UBE2B: variants seen among roughly 807,000 people sequenced by gnomAD.
UBE2B encodes the protein ubiquitin-conjugating enzyme E2 B.
In UBE2B, 11 loss-of-function variants were observed where a neutral mutation model predicts 24.6. That is an observed-to-expected ratio of 0.45 (90% CI 0.28 to 0.74). The LOEUF is 0.74. UBE2B is among the 30% of genes least tolerant of loss of function. UBE2B has a pLI of 0.13. For missense variants in UBE2B, 78 were observed against 185.6 expected (o/e 0.42, Z 3.37); for synonymous variants, 68 against 62.4 (o/e 1.09, Z -0.42).
intron 5 of UBE2B, chr5:134,388,946 GTTTTTTTTTTTT>G (rs35847901): frequency 0.015 from 2,605 of 174,524 alleles, 28 homozygotes; most frequent in South Asian, 0.042. Context: ...TTCTTTAATT[GTTTTTTTTTTTT>G]TTTTTTTTTT....
At chr5:134,371,830 AT>A (rs1449428644) in intron 1 of UBE2B, among the ~76,000 whole-genome samples, 191 bp downstream of exon 1, 4 of 152,158 alleles carry the variant, frequency 2.6e-5, no homozygotes, top group Admixed American at 6.5e-5. Flanking sequence ...GCCCGAAGAA[AT>A]TTTGATACTG....
At chr5:134,386,352 G>A (rs1248979529) in intron 4 of UBE2B, among the ~76,000 whole-genome samples, 7 of 149,976 alleles carry the variant, frequency 4.7e-5, no homozygotes, top group East Asian at 2.0e-4. Flanking sequence ...AAAAAGGGCC[G>A]GGCACAGTGG....
chr5:134,387,658 G>A (rs924460946), intron 4 of UBE2B, among the ~76,000 whole-genome samples: 42 of 152,308 alleles, frequency 2.8e-4, no homozygotes, highest in African/African-American at 1.0e-3. Flanking sequence ...TGACAAGTGA[G>A]CACACAAGAC....
At chr5:134,377,076 A>T (rs1758622105) in intron 3 of UBE2B, among the ~76,000 whole-genome samples, 1 of 152,134 alleles carries the variant, frequency 6.6e-6, no homozygotes. Context: ...TCATAAACAT[A>T]CATAGCTGCC....
chr5:134,375,817 A>AC (rs1427129762), intron 2 of UBE2B, among the ~76,000 whole-genome samples: 1 of 150,480 alleles, frequency 6.6e-6, no homozygotes, highest in African/African-American at 2.4e-5. Flanking sequence ...AAAAAAAAAA[A>AC]AAAAAAAAAC....
At chr5:134,378,003 C>G (rs1290720347) in intron 3 of UBE2B, among the ~76,000 whole-genome samples, 1 of 152,064 alleles carries the variant, frequency 6.6e-6, no homozygotes, top group Non-Finnish European at 1.5e-5. Flanking sequence ...GAGTTTGAGA[C>G]CAGCCTGGGG....
At chr5:134,378,810 TC>T (rs1371634486) in intron 3 of UBE2B, among the ~76,000 whole-genome samples, 1 of 151,588 alleles carries the variant, frequency 6.6e-6, no homozygotes, top group East Asian at 1.9e-4. Flanking sequence ...GCACCTGTAA[TC>T]CCAGCTACTC....
intron 3 of UBE2B, among the ~76,000 whole-genome samples, chr5:134,378,412 A>C (rs1758646870): frequency 6.6e-6 from 1 of 152,082 alleles, no homozygotes; most frequent in African/African-American, 2.4e-5. Flanking sequence ...GACATGTGCT[A>C]CCATGCCCGG....
chr5:134,372,560 G>T (rs1444641347), intron 1 of UBE2B, among the ~76,000 whole-genome samples: 1 of 152,096 alleles, frequency 6.6e-6, no homozygotes, highest in African/African-American at 2.4e-5. Flanking sequence ...TGCCCTAATT[G>T]AACAAAATAT....
intron 4 of UBE2B, 43 bp downstream of exon 4, chr5:134,380,851 A>C: frequency 2.2e-6 from 3 of 1,350,768 alleles, no homozygotes; most frequent in Non-Finnish European, 3.2e-6. Context: ...AGTGGGGAAA[A>C]GAGTTGTTTC....
At chr5:134,386,234 A>G (rs1195102906) in intron 4 of UBE2B, among the ~76,000 whole-genome samples, 1 of 151,212 alleles carries the variant, frequency 6.6e-6, no homozygotes, top group Non-Finnish European at 1.5e-5. Flanking sequence ...AGGCTGAGGC[A>G]GGAGTATTGC....
Position 134,390,954 on chromosome 5 carries a change from C to G in UBE2B, c.*601C>G, listed in dbSNP as rs36072121. ...AATCTCCAACTTTATTTTGAATGTA[C>G]CTCTATTAGTTTCAATTGAGTAATT... On this transcript the variant is annotated 3_prime_UTR_variant, in exon 6 of 6. Transcript: ENST00000265339. The surrounding 1 kb of genome is among the most constrained non-coding windows in gnomAD (Gnocchi z 4.6). 1 of 154,562 alleles carries G rather than the reference C, an allele frequency of 6.5e-6. No homozygotes were observed. The highest frequency in any genetic ancestry group is 2.4e-5 in the African/African-American group (1 of 41,412). The allele number at this position is 154,562 out of a possible 1,614,324, so 9.6% of individuals were successfully genotyped here.
rs967844433 is a variant in UBE2B, at chr5:134,386,459, C to G, written c.242-1866C>G. On this transcript the variant is annotated intron_variant, in intron 4 of 5. Coordinates refer to ENST00000265339, the MANE Select transcript of UBE2B (RefSeq NM_003337.4). ...AGCCTGGCCAACATATGGCAAAACC[C>G]CGTCTCTACTAAAAATGCAAAAATT... Among the ~76,000 whole-genome samples the G allele has an allele frequency of 3.3e-5, 5 of 152,122 alleles. No individual in the cohort carries two copies. The East Asian group carries it at 7.7e-4, about 24-fold the overall frequency.
At chr5:134,375,640 C>CA (rs1758584974) in intron 2 of UBE2B, among the ~76,000 whole-genome samples, 4 of 150,028 alleles carry the variant, frequency 2.7e-5, no homozygotes, top group Admixed American at 1.3e-4. Context: ...ACTGAAAATA[C>CA]AAAAAAAAAT....
intron 4 of UBE2B, among the ~76,000 whole-genome samples, chr5:134,384,191 C>G (rs940077348): frequency 1.2e-4 from 18 of 152,172 alleles, no homozygotes; most frequent in Non-Finnish European, 2.1e-4. Flanking sequence ...TTTCAGAGGT[C>G]CTCTTGGTCG....
chr5:134,380,636 A>G (rs1758692772), intron 3 of UBE2B, 83 bp from the exon 4 acceptor site: 2 of 805,114 alleles, frequency 2.5e-6, no homozygotes, highest in African/African-American at 1.7e-5. Context: ...TGGTTGTACA[A>G]AAACCAGTAT....
At chr5:134,376,342 AAAAAAAAT>A (rs1158195742) in intron 2 of UBE2B, among the ~76,000 whole-genome samples, 1 of 6,680 alleles carries the variant, frequency 1.5e-4, no homozygotes, top group Non-Finnish European at 4.2e-4. Flanking sequence ...AAAAAAAAAA[AAAAAAAAT>A]ATATATATAT....
rs35324424 is a variant in UBE2B, at chr5:134,377,613, TG to T, written c.151+927del. Among the ~76,000 whole-genome samples the T allele has an allele frequency of 2.7e-4, 41 of 151,780 alleles. No homozygotes were observed. In the South Asian group the frequency reaches 2.9e-3, roughly 11 times the overall value. ...TCAAACTGTTACCAGTGATTATCTG[TG>T]GGGGGGGTAAGGAGTTGAAGGAGGT... On this transcript the variant is annotated intron_variant, in intron 3 of 5. Coordinates refer to ENST00000265339, the MANE Select transcript of UBE2B (RefSeq NM_003337.4).
chr5:134,376,150 A>G (rs1758598607), intron 2 of UBE2B, among the ~76,000 whole-genome samples: 1 of 150,064 alleles, frequency 6.7e-6, no homozygotes, highest in South Asian at 2.1e-4. Context: ...CCTGGCCAAT[A>G]TGGTGAAACC....
Sources: gnomAD v4.1 joint callset for allele counts (sites outside exome capture counted in the v4.1 genomes callset) on GRCh38, gnomAD v4.1.1 for gene constraint, Gnocchi (gnomAD v3.1) non-coding constraint, MANE v1.5 for transcripts, NCBI Gene and HGNC (gene_info 2026-07-23, HGNC 2026-07-21) for gene names.